Variants in CLIC4 observed in about 807,000 individuals in gnomAD.
The protein encoded by CLIC4 is chloride intracellular channel protein 4.
In CLIC4, 13 loss-of-function variants were observed where a neutral mutation model predicts 24.6. That is an observed-to-expected ratio of 0.53 (90% CI 0.34 to 0.84). CLIC4 has a LOEUF of 0.84. Among genes scored for constraint, CLIC4 ranks in the 40% least tolerant of loss-of-function variants. CLIC4 has a pLI of 0.01. For synonymous variants in CLIC4, 104 were observed against 111.3 expected (o/e 0.93, Z 0.41); for missense variants, 227 against 301.7 (o/e 0.75, Z 1.83).
intron 1 of CLIC4, among the ~76,000 whole-genome samples, chr1:24,779,250 G>A (rs992251433): frequency 6.6e-6 from 1 of 152,080 alleles, no homozygotes; most frequent in Non-Finnish European, 1.5e-5. Flanking sequence ...TGGGCAGATC[G>A]CTTGAGCCCA....
intron 3 of CLIC4, 126 bp downstream of exon 3, chr1:24,814,345 A>T (rs1440565685): frequency 1.9e-6 from 2 of 1,069,316 alleles, no homozygotes; most frequent in Non-Finnish European, 2.7e-6. Context: ...TGTTTCTTAT[A>T]ATTAATGCTA....
chr1:24,774,497 T>G (rs1283439785), intron 1 of CLIC4, among the ~76,000 whole-genome samples: 1 of 152,104 alleles, frequency 6.6e-6, no homozygotes, highest in African/African-American at 2.4e-5. Context: ...TTTCAGCAAT[T>G]TAAAAAATGT....
chr1:24,795,611 C>T (rs1639389124), intron 1 of CLIC4, among the ~76,000 whole-genome samples: 1 of 152,172 alleles, frequency 6.6e-6, no homozygotes, highest in Non-Finnish European at 1.5e-5. Context: ...CACTTTGTCG[C>T]CCAGGCTGGA....
At chr1:24,747,132 A>G (rs1485832692) in intron 1 of CLIC4, among the ~76,000 whole-genome samples, 1 of 146,830 alleles carries the variant, frequency 6.8e-6, no homozygotes, top group Non-Finnish European at 1.5e-5. Flanking sequence ...CAGGGAACTG[A>G]AACAGCAGAC....
At chr1:24,825,036 ACAC>A (rs1639773909) in intron 3 of CLIC4, among the ~76,000 whole-genome samples, 1 of 151,070 alleles carries the variant, frequency 6.6e-6, no homozygotes, top group Non-Finnish European at 1.5e-5. Flanking sequence ...ACACACACAC[ACAC>A]AAAAGTACAA....
chr1:24,814,288 A>G, intron 3 of CLIC4, 69 bp downstream of exon 3: 1 of 1,509,038 alleles, frequency 6.6e-7, no homozygotes, highest in South Asian at 1.2e-5. Flanking sequence ...TTGTCAGTAG[A>G]GATCTTTCTC....
chr1:24,806,812 T>C (rs978866539), intron 2 of CLIC4, among the ~76,000 whole-genome samples: 1 of 152,206 alleles, frequency 6.6e-6, no homozygotes, highest in Non-Finnish European at 1.5e-5. Flanking sequence ...ACGTGCCTTA[T>C]TTGATTTAAT....
At chr1:24,767,682 A>G (rs1425095272) in intron 1 of CLIC4, among the ~76,000 whole-genome samples, 4 of 152,078 alleles carry the variant, frequency 2.6e-5, no homozygotes, top group South Asian at 2.1e-4. Context: ...ACTTGTAGCT[A>G]AAGCTTGAGA....
intron 3 of CLIC4, among the ~76,000 whole-genome samples, chr1:24,822,458 C>T (rs1269657488): frequency 6.7e-6 from 1 of 148,202 alleles, no homozygotes; most frequent in African/African-American, 2.5e-5. Context: ...AAGCAATTCT[C>T]CTGCCTCAGC....
rs545006890 is a variant in CLIC4 at position 24,812,558 on chromosome 1, A to G, written c.183-1536A>G. On this transcript the variant is annotated intron_variant, in intron 2 of 5. Transcript: ENST00000374379. ...TTTTTTCCCTCCTCATTCTATCACT[A>G]TCTCTAATGAGTGACTTAGTTAATT... Among the ~76,000 whole-genome samples the G allele has an allele frequency of 3.3e-5, 5 of 152,188 alleles. No homozygotes were observed. The East Asian group carries it at 5.8e-4, about 18-fold the overall frequency.
intron 4 of CLIC4, among the ~76,000 whole-genome samples, chr1:24,831,428 G>A (rs573543231): frequency 6.6e-6 from 1 of 152,164 alleles, no homozygotes; most frequent in South Asian, 2.1e-4. Context: ...TATAATTCAG[G>A]AAAAACATTA....
intron 1 of CLIC4, among the ~76,000 whole-genome samples, chr1:24,792,868 A>G (rs960825650): frequency 1.3e-5 from 2 of 152,206 alleles, no homozygotes; most frequent in African/African-American, 4.8e-5. Context: ...ACTGTTCCGT[A>G]TTCTGAGATT....
intron 1 of CLIC4, among the ~76,000 whole-genome samples, chr1:24,751,823 C>T (rs1387401379): frequency 6.6e-6 from 1 of 152,214 alleles, no homozygotes; most frequent in South Asian, 2.1e-4. Flanking sequence ...GAGATTGTGC[C>T]ATTGCACTCC....
chr1:24,830,637 AC>A (rs1432647788), intron 4 of CLIC4, among the ~76,000 whole-genome samples: 2 of 152,146 alleles, frequency 1.3e-5, no homozygotes. Context: ...TACACTTAGG[AC>A]CCTGGTGTGT....
chr1:24,830,895 G>A (rs1438965551), intron 4 of CLIC4, among the ~76,000 whole-genome samples: 3 of 152,040 alleles, frequency 2.0e-5, no homozygotes, highest in Admixed American at 6.6e-5. Flanking sequence ...GGTTAATTTT[G>A]ACATTTTCTT....
In CLIC4 at chr1:24,770,997, A is replaced by C. The variant is rs375357685; in HGVS notation, c.72+25372A>C. Among the ~76,000 whole-genome samples the C allele has an allele frequency of 1.1e-4, 16 of 152,270 alleles. No homozygotes were observed. The East Asian group carries it at 1.7e-3, about 16-fold the overall frequency. ...GTCACAGCACATGTCCTTCTCAAATAAGGACTTTGAAAAGTCCCCCAAAGC... is the reference window on the plus strand; with the variant it reads ...GTCACAGCACATGTCCTTCTCAAATCAGGACTTTGAAAAGTCCCCCAAAGC... On this transcript the variant is annotated intron_variant, in intron 1 of 5. Transcript: ENST00000374379.
rs117426618 is a variant in CLIC4 at position 24,816,635 on chromosome 1, C to T, written c.308+2416C>T. ...CCATCAGAGGAATCACTTTCTATGGCCTTATGAAATGTGTTTATTAAATAA... is the reference window on the plus strand; with the variant it reads ...CCATCAGAGGAATCACTTTCTATGGTCTTATGAAATGTGTTTATTAAATAA... On this transcript the variant is annotated intron_variant, in intron 3 of 5. Transcript: ENST00000374379. Among the ~76,000 whole-genome samples, 184 of 152,206 alleles carry T rather than the reference C, an allele frequency of 1.2e-3. 3 individuals are homozygous for T. The East Asian group carries it at 0.034, about 28-fold the overall frequency.
At chr1:24,786,839 C>T (rs531003383) in intron 1 of CLIC4, among the ~76,000 whole-genome samples, 10 of 152,010 alleles carry the variant, frequency 6.6e-5, no homozygotes, top group South Asian at 6.2e-4. Flanking sequence ...AGGATGGTCT[C>T]GATCTCCTGA....
rs1400968956 is a variant in CLIC4 at position 24,814,327 on chromosome 1, C to CT, written c.308+109dup. ...GCATTAATTTGGAATGACTAGGACT[C>CT]TCTTCTATGTTTCTTATAATTAATG... On this transcript the variant is annotated intron_variant, in intron 3 of 5. Coordinates refer to ENST00000374379, the MANE Select transcript of CLIC4 (RefSeq NM_013943.3). 25 of 1,247,176 alleles carry CT rather than the reference C, an allele frequency of 2.0e-5. No homozygotes were observed. The African/African-American group carries it at 2.7e-4, about 14-fold the overall frequency. The allele number at this position is 1,247,176 out of a possible 1,614,324, so 77.3% of individuals were successfully genotyped here. A position where few individuals can be genotyped will look rare whatever the true frequency, so the allele number is the denominator to read the frequency against.
Sources: gnomAD v4.1 joint callset for allele counts (sites outside exome capture counted in the v4.1 genomes callset) on GRCh38, gnomAD v4.1.1 for gene constraint, MANE v1.5 for transcripts, NCBI Gene and HGNC (gene_info 2026-07-23, HGNC 2026-07-21) for gene names.